Variants in CDH18 observed in about 807,000 individuals in gnomAD.
The protein encoded by CDH18 is cadherin 18, also known as cadherin-18.
A neutral mutation model predicts 67.9 loss-of-function variants in CDH18; 31 were observed. The ratio of observed to expected loss-of-function variants is 0.46; its 90% CI spans 0.34 to 0.62. The LOEUF is 0.62. Among genes scored for constraint, CDH18 ranks in the 20% least tolerant of loss-of-function variants. The pLI, the probability that CDH18 is intolerant of heterozygous loss-of-function variation, is 0.01. For missense variants in CDH18, 890 were observed against 975.5 expected (o/e 0.91, Z 1.17); for synonymous variants, 362 against 347.2 (o/e 1.04, Z -0.48).
At chr5:20,051,095 A>G (rs997285412) in intron 2 of CDH18, among the ~76,000 whole-genome samples, 1 of 151,922 alleles carries the variant, frequency 6.6e-6, no homozygotes, top group African/African-American at 2.4e-5. Context: ...TTTACTAAAA[A>G]TCGTGGCTAG....
At chr5:19,954,141 G>A (rs1406581595) in intron 2 of CDH18, among the ~76,000 whole-genome samples, 1 of 151,944 alleles carries the variant, frequency 6.6e-6, no homozygotes, top group Non-Finnish European at 1.5e-5. Flanking sequence ...TCTAGCACTT[G>A]GATCATCTGG....
At chr5:20,293,876 G>C (rs1747286962) in intron 1 of CDH18, among the ~76,000 whole-genome samples, 1 of 152,182 alleles carries the variant, frequency 6.6e-6, no homozygotes, top group Admixed American at 6.5e-5. Flanking sequence ...AAACAGGATA[G>C]AGGTGTAAAT....
chr5:19,672,397 T>G (rs563596527), intron 5 of CDH18, among the ~76,000 whole-genome samples: 1 of 152,238 alleles, frequency 6.6e-6, no homozygotes, highest in South Asian at 2.1e-4. Context: ...CTTAGTAAAT[T>G]AACAATAACA....
At chr5:19,958,289 C>T (rs1302795894) in intron 2 of CDH18, among the ~76,000 whole-genome samples, 3 of 140,344 alleles carry the variant, frequency 2.1e-5, no homozygotes, top group Non-Finnish European at 4.6e-5. Flanking sequence ...AACAAACAAA[C>T]ATATAAACTT....
intron 11 of CDH18, among the ~76,000 whole-genome samples, chr5:19,500,114 T>C (rs986683994): frequency 2.6e-5 from 4 of 152,008 alleles, no homozygotes; most frequent in African/African-American, 4.8e-5. Context: ...AAATGTCACT[T>C]AACTTACATA....
chr5:20,294,826 C>CAT (rs1427286481), intron 1 of CDH18, among the ~76,000 whole-genome samples: 9 of 152,054 alleles, frequency 5.9e-5, no homozygotes, highest in Admixed American at 1.3e-4. Context: ...TATTTTCCTA[C>CAT]ATATATATAT....
At chr5:20,191,588 C>A (rs938976086) in intron 2 of CDH18, among the ~76,000 whole-genome samples, 2 of 152,000 alleles carry the variant, frequency 1.3e-5, no homozygotes, top group Non-Finnish European at 2.9e-5. Flanking sequence ...GTTCAACCCC[C>A]ACTTATGAAT....
At position 20,225,676 on chromosome 5, in the gene CDH18, A is replaced by T. The variant is rs1741568494; in HGVS notation, c.-518+29768T>A. 1.3e-5 allele frequency among the ~76,000 whole-genome samples: 2 copies of T among 152,164 alleles called. 1 individual carries two copies. The highest frequency in any genetic ancestry group is 2.9e-5 in the Non-Finnish European group (2 of 68,024). The stretch of plus-strand genomic sequence containing the variant: ...ATTCTGAAGTTAGTAGGGATTCGTT[A>T]GAGCTTCCTGTGATGTCAAGTACAG... On this transcript the variant is annotated intron_variant, in intron 2 of 14. Transcript: ENST00000507958.
chr5:20,450,190 CA>C (rs957776405), intron 1 of CDH18, among the ~76,000 whole-genome samples: 3 of 151,630 alleles, frequency 2.0e-5, no homozygotes, highest in Non-Finnish European at 2.9e-5. Flanking sequence ...ATAATTAAAA[CA>C]AAAAAATTAG....
At chr5:19,598,218 C>T (rs1019157006) in intron 6 of CDH18, among the ~76,000 whole-genome samples, 18 of 152,038 alleles carry the variant, frequency 1.2e-4, no homozygotes, top group Non-Finnish European at 8.8e-5. Context: ...GAGTATTGTC[C>T]GTAACTTAGT....
chr5:20,571,143 T>G (rs1026667446), intron 1 of CDH18, among the ~76,000 whole-genome samples: 3 of 152,194 alleles, frequency 2.0e-5, no homozygotes, highest in African/African-American at 7.2e-5. Context: ...TTTCTCATAC[T>G]CTGTGAGACA....
chr5:19,732,790 T>G (rs1034598616), intron 4 of CDH18, among the ~76,000 whole-genome samples: 4 of 152,176 alleles, frequency 2.6e-5, no homozygotes, highest in Non-Finnish European at 5.9e-5. Context: ...TCTGTTATCT[T>G]CGGCACTAGA....
In CDH18 at chr5:19,666,766, G is replaced by C. The variant is rs113882352; in HGVS notation, c.644-54165C>G. Among the ~76,000 whole-genome samples, 1,298 of 152,026 alleles carry C rather than the reference G, an allele frequency of 8.5e-3. 10 individuals are homozygous for C. The highest frequency in any genetic ancestry group is 0.019 in the African/African-American group (788 of 41,496). ...TCAGTGTCACAGAAGTAATAGTAAGGGTCAGGGAAGAGATTCAAGAAGTGA... is the reference window on the plus strand; with the variant it reads ...TCAGTGTCACAGAAGTAATAGTAAGCGTCAGGGAAGAGATTCAAGAAGTGA... On this transcript the variant is annotated intron_variant, in intron 5 of 12. Transcript: ENST00000382275.
intron 2 of CDH18, among the ~76,000 whole-genome samples, chr5:19,861,125 A>G (rs1784848323): frequency 1.3e-5 from 2 of 152,178 alleles, no homozygotes; most frequent in South Asian, 4.1e-4. Context: ...GACCTAGATT[A>G]TTAGCAAGTG....
intron 5 of CDH18, among the ~76,000 whole-genome samples, chr5:19,668,281 A>T (rs1268851435): frequency 6.6e-6 from 1 of 152,092 alleles, no homozygotes; most frequent in Non-Finnish European, 1.5e-5. Flanking sequence ...TTGTGAAAGT[A>T]TTCATTTGAA....
At chr5:19,938,895 T>G (rs960137659) in intron 2 of CDH18, among the ~76,000 whole-genome samples, 20 of 151,306 alleles carry the variant, frequency 1.3e-4, no homozygotes, top group African/African-American at 1.9e-4. Flanking sequence ...AAAATAAGTT[T>G]ATAGACAAAG....
chr5:20,478,707 T>G (rs1752599418), intron 1 of CDH18, among the ~76,000 whole-genome samples: 1 of 152,052 alleles, frequency 6.6e-6, no homozygotes, highest in African/African-American at 2.4e-5. Flanking sequence ...GACACAAGCC[T>G]GGCTGGATTC....
chr5:19,949,352 G>A (rs879612205), intron 2 of CDH18, among the ~76,000 whole-genome samples: 4 of 152,036 alleles, frequency 2.6e-5, no homozygotes, highest in Non-Finnish European at 4.4e-5. Context: ...TCACTTCCCT[G>A]CCTCTGGACA....
At chr5:20,415,901 G>C (rs984306873) in intron 1 of CDH18, among the ~76,000 whole-genome samples, 1 of 152,078 alleles carries the variant, frequency 6.6e-6, no homozygotes, top group Non-Finnish European at 1.5e-5. Context: ...AAGGACAAAT[G>C]CTACACTATT....
Sources: gnomAD v4.1 joint callset for allele counts (sites outside exome capture counted in the v4.1 genomes callset) on GRCh38, gnomAD v4.1.1 for gene constraint, MANE v1.5 for transcripts, NCBI Gene and HGNC (gene_info 2026-07-23, HGNC 2026-07-21) for gene names.